MYO19: variants seen among roughly 807,000 people sequenced by gnomAD.
The protein encoded by MYO19 is unconventional myosin-XIX.
Under a neutral mutation model 129.2 loss-of-function variants are expected in MYO19, and 132 were observed. The ratio of observed to expected loss-of-function variants is 1.02; its 90% confidence interval spans 0.89 to 1.18. MYO19 has a LOEUF of 1.18. MYO19 is among the 50% of genes most tolerant of loss of function. MYO19 has a pLI of 0.00. For missense variants in MYO19, 1,210 were observed against 1,216.7 expected (o/e 0.99, Z 0.08); for synonymous variants, 531 against 477.2 (o/e 1.11, Z -1.47).
At chr17:36,516,586 G>A (rs1012582682) in intron 6 of MYO19, among the ~76,000 whole-genome samples, 1 of 152,078 alleles carries the variant, frequency 6.6e-6, no homozygotes, top group African/African-American at 2.4e-5. Flanking sequence ...TGGTGAGTCT[G>A]GTCTTGAGCT....
At chr17:36,514,035 T>C (rs1465122034) in intron 9 of MYO19, among the ~76,000 whole-genome samples, 1 of 152,186 alleles carries the variant, frequency 6.6e-6, no homozygotes, top group Non-Finnish European at 1.5e-5. Context: ...GATGCTCCGA[T>C]TTTGAGAGAA....
chr17:36,538,233 G>C (rs79448900), upstream of MYO19: 781 of 1,613,104 alleles, frequency 4.8e-4, 2 homozygotes, highest in African/African-American at 8.5e-3. Flanking sequence ...TATTTGGATA[G>C]TTGCTTCTAG....
intron 12 of MYO19, 120 bp downstream of exon 12, chr17:36,511,245 G>T: frequency 9.4e-7 from 1 of 1,058,462 alleles, no homozygotes. Context: ...AGGCCCTATG[G>T]TGGGTGGCAT....
chr17:36,505,356 A>T lies in MYO19; in HGVS notation c.1846T>A (p.Tyr616Asn). ...LQVLHSTTPH[Y>N]IRCIKPNSQG... ...CTGTTGGGCTTGATGCAGCGAATGTAGTGGGGCGTGGTGCTGTGTAGGACC... is the reference window on the plus strand; with the variant it reads ...CTGTTGGGCTTGATGCAGCGAATGTTGTGGGGCGTGGTGCTGTGTAGGACC... Residue 616 changes from tyrosine to asparagine, a missense_variant, in exon 19 of 26, where the codon TAC (tyrosine) becomes AAC (asparagine). By Grantham distance (143) the Tyr-to-Asn change is moderately radical. Transcript: ENST00000614623. 2 of 1,614,216 alleles carry T rather than the reference A, an allele frequency of 1.2e-6. No homozygotes were observed. The highest frequency in any genetic ancestry group is 1.7e-6 in the Non-Finnish European group (2 of 1,180,040).
intron 25 of MYO19, among the ~76,000 whole-genome samples, chr17:36,497,143 A>G (rs1355803475): frequency 6.6e-6 from 1 of 151,568 alleles, no homozygotes; most frequent in African/African-American, 2.4e-5. Flanking sequence ...CAGCCTGGCC[A>G]ATATGGCGAA....
chr17:36,498,387 C>T lies in MYO19; in HGVS notation c.2636G>A (p.Ser879Asn), dbSNP rs1041644283. 2.5e-6 allele frequency: 4 copies of T among 1,614,016 alleles called. No homozygotes were observed. The African/African-American group carries it at 4.0e-5, about 16-fold the overall frequency. Residue 879 changes from serine (S) to asparagine (N), a missense_variant, in exon 25 of 26, where the codon AGC becomes AAC. Transcript: ENST00000614623. Reference sequence around the variant, plus strand: ...CCAGACCACTAATTTCCTCTGAAAGCTGCCTACACCCATAGCCGTATTGGC... The same window carrying T: ...CCAGACCACTAATTTCCTCTGAAAGTTGCCTACACCCATAGCCGTATTGGC... ...VLANTAMGVG[S>N]FQRKLVVWAC...
chr17:36,506,579 G>A lies in MYO19; in HGVS notation c.1674C>T (p.Leu558=), dbSNP rs755602442. Residue 558 remains leucine, a synonymous_variant, in exon 18 of 26, where the codon CTC becomes CTT. Transcript: ENST00000614623. The stretch of plus-strand genomic sequence containing the variant: ...GCAGGGGGTCCTGGGATTGCTGCAG[G>A]AGCCTGGTCAGCTCAGGTGGGATAG... The part of the protein sequence containing the change: ...KDPIPPELTR[L]LQQSQDPLLM... 1.1e-5 allele frequency: 17 copies of A among 1,558,218 alleles called. 1 individual carries two copies. In the South Asian group the frequency reaches 1.6e-4, roughly 15 times the overall value.
intron 17 of MYO19, 118 bp from the exon 18 acceptor site, chr17:36,506,726 A>G (rs2071919831): frequency 7.8e-7 from 1 of 1,288,532 alleles, no homozygotes. Context: ...CCTGAGTCCA[A>G]GAGAAGGTCC....
At chr17:36,532,351 CAG>C (rs1190733663) in intron 3 of MYO19, among the ~76,000 whole-genome samples, 174 bp downstream of exon 3, 1 of 152,196 alleles carries the variant, frequency 6.6e-6, no homozygotes, top group African/African-American at 2.4e-5. Flanking sequence ...AACCACAAGA[CAG>C]ATTCAAATTA....
At position 36,505,500 on chromosome 17, in the gene MYO19, G is replaced by A; in HGVS notation, c.1798-96C>T. 3 of 835,664 alleles carry A rather than the reference G, an allele frequency of 3.6e-6. No homozygotes were observed. The South Asian group carries it at 4.9e-5, about 14-fold the overall frequency. 51.8% of individuals were successfully genotyped at this position (835,664 alleles called of 1,614,324 possible). On this transcript the variant is annotated intron_variant, in intron 18 of 25. Coordinates refer to ENST00000614623, the MANE Select transcript of MYO19 (RefSeq NM_001163735.2). ...GTAACTACATCAAATGCCTCCAGCG[G>A]GCCCTTCCATGATCCTGAGACCAAG...
At chr17:36,507,208 C>G (rs941703350) in intron 16 of MYO19, 69 bp from the exon 17 acceptor site, 2 of 1,552,494 alleles carry the variant, frequency 1.3e-6, no homozygotes, top group Non-Finnish European at 1.8e-6. Context: ...ACTGTCCCCA[C>G]CCTGTGGACC....
chr17:36,503,218 CAGA>C lies in MYO19; in HGVS notation c.1977-21_1977-19del, dbSNP rs2071653623. On this transcript the variant is annotated intron_variant, in intron 20 of 25. Coordinates refer to ENST00000614623, the MANE Select transcript of MYO19 (RefSeq NM_001163735.2). ...GAGAGACCCTGGAGGCCAAAGCAGG[CAGA>C]AGTAGAGAATTACTTCATCTGTGAG... 6.3e-7 allele frequency: 1 copy of C among 1,595,002 alleles called. No individual in the cohort carries two copies. Among genetic ancestry groups the C allele is most frequent in the Non-Finnish European group, 8.6e-7 (1 of 1,162,584 alleles).
chr17:36,523,573 A>T (rs1045491998), intron 6 of MYO19, among the ~76,000 whole-genome samples: 1 of 152,220 alleles, frequency 6.6e-6, no homozygotes, highest in East Asian at 1.9e-4. Flanking sequence ...CACCACTATT[A>T]AACAGGGAAA....
intron 17 of MYO19, 59 bp downstream of exon 17, chr17:36,506,904 T>G (rs2071938085): frequency 1.4e-6 from 2 of 1,466,884 alleles, no homozygotes; most frequent in Non-Finnish European, 1.8e-6. Context: ...TATGTCTGCA[T>G]AGCAAAGACC....
chr17:36,500,243 G>A (rs2071416038), intron 23 of MYO19: 1 of 152,260 alleles, frequency 6.6e-6, no homozygotes, highest in South Asian at 2.1e-4. Flanking sequence ...TTGACATCTA[G>A]GTATGAATAT....
intron 5 of MYO19, among the ~76,000 whole-genome samples, chr17:36,527,070 G>A (rs2073512792): frequency 6.6e-6 from 1 of 152,118 alleles, no homozygotes; most frequent in Non-Finnish European, 1.5e-5. Flanking sequence ...GGAGGCTGAA[G>A]CAGGAGAATT....
chr17:36,524,131 G>C (rs893407712), intron 6 of MYO19, among the ~76,000 whole-genome samples: 1 of 152,182 alleles, frequency 6.6e-6, no homozygotes, highest in Non-Finnish European at 1.5e-5. Context: ...GGGGGACAAG[G>C]CTTCGTTGAG....
chr17:36,501,058 A>T lies in MYO19; in HGVS notation c.2247+11T>A, dbSNP rs2071488723. 1.9e-6 allele frequency: 3 copies of T among 1,606,206 alleles called. No individual in the cohort carries two copies. The East Asian group carries it at 6.7e-5, about 36-fold the overall frequency. ...TGCCTCTGTAACCTCCTCATCCCCA[A>T]ACCAGCTCACCATAGAGTCAGTCAT... On this transcript the variant is annotated intron_variant, in intron 22 of 25. Transcript: ENST00000614623.
chr17:36,519,573 T>A (rs186452911), intron 6 of MYO19, among the ~76,000 whole-genome samples: 92 of 152,128 alleles, frequency 6.0e-4, no homozygotes, highest in Non-Finnish European at 1.1e-3. Flanking sequence ...GGCATTTTAA[T>A]GATTCCATTC....
Sources: gnomAD v4.1 joint callset for allele counts (sites outside exome capture counted in the v4.1 genomes callset) on GRCh38, gnomAD v4.1.1 for gene constraint, MANE v1.5 for transcripts, NCBI Gene and HGNC (gene_info 2026-07-23, HGNC 2026-07-21) for gene names.